Variants in ZNF875 observed in about 807,000 individuals in gnomAD.
The protein encoded by ZNF875 is HKR1, GLI-Kruppel zinc finger family member.
In ZNF875, 14 loss-of-function variants were observed where a neutral mutation model predicts 11.2. That is an observed-to-expected ratio of 1.26 (90% CI 0.83 to 1.96). ZNF875 has a LOEUF of 1.96. Ranked by LOEUF, ZNF875 falls within the 30% of genes most tolerant of loss-of-function variation. The pLI, the probability that ZNF875 is intolerant of heterozygous loss-of-function variation, is 0.00. For synonymous variants in ZNF875, 301 were observed against 281.1 expected, an observed-to-expected ratio of 1.07 and a Z score of -0.71; for missense variants, 752 against 760.4, an observed-to-expected ratio of 0.99 and a Z score of 0.13.
chr19:37,333,654 G>T (rs186838133), upstream of ZNF875, among the ~76,000 whole-genome samples: 88 of 152,170 alleles, frequency 5.8e-4, 1 homozygote, highest in East Asian at 0.012. Context: ...AGGAAGTCAG[G>T]AAAGGAAAAG....
intron 1 of ZNF875, among the ~76,000 whole-genome samples, chr19:37,321,894 T>A (rs2031544467): frequency 6.6e-6 from 1 of 152,184 alleles, no homozygotes; most frequent in African/African-American, 2.4e-5. Flanking sequence ...CAGAAAAAAT[T>A]AAAGCATCCT....
chr19:37,363,491 C>G lies in ZNF875; in HGVS notation c.1639C>G (p.Pro547Ala), dbSNP rs1332552750. Residue 547 changes from proline to alanine, a missense_variant, in exon 5 of 5, where the codon CCT becomes GCT. Pro to Ala is a conservative substitution (Grantham distance 27). Coordinates refer to ENST00000392153, the MANE Select transcript of ZNF875 (RefSeq NM_001353803.2). ...GTGTGGCAGAAGGTTTCGGCAGAAG[C>G]CTAACCTGTTTAGGCACAAGAGGGC... is the stretch of plus-strand genomic sequence containing the variant. Reference protein sequence around the residue: ...RECGRRFRQKPNLFRHKRAHS... With the variant: ...RECGRRFRQKANLFRHKRAHS... 6.2e-7 allele frequency: 1 copy of G among 1,612,956 alleles called. No homozygotes were observed. Among genetic ancestry groups the G allele is most frequent in the Non-Finnish European group, 8.5e-7 (1 of 1,179,588 alleles).
At chr19:37,335,279 A>C (rs1038319567) in intron 2 of ZNF875, 22 bp downstream of exon 2, 2 of 691,568 alleles carry the variant, frequency 2.9e-6, no homozygotes, top group Non-Finnish European at 5.3e-6. Context: ...CTGTAATTCT[A>C]TCTTGGCTGT....
At chr19:37,349,207 G>A (rs147902852) in intron 4 of ZNF875, among the ~76,000 whole-genome samples, 308 of 152,242 alleles carry the variant, frequency 2.0e-3, no homozygotes, top group Non-Finnish European at 3.1e-3. Flanking sequence ...CCACTCTAAT[G>A]ACCTCATCTT....
chr19:37,341,386 C>A (rs1473474466), intron 2 of ZNF875, among the ~76,000 whole-genome samples: 1 of 152,170 alleles, frequency 6.6e-6, no homozygotes, highest in African/African-American at 2.4e-5. Context: ...GGCTGGAGGA[C>A]TATCCATGTG....
At chr19:37,335,000 C>T (rs1186961481) in intron 1 of ZNF875, 169 bp from the exon 2 acceptor site, 1 of 541,350 alleles carries the variant, frequency 1.8e-6, no homozygotes, top group South Asian at 1.9e-5. Context: ...TGCGGCTGAG[C>T]TTGAGGGTGG....
At chr19:37,350,851 C>CTGGA (rs1276353904) in intron 4 of ZNF875, among the ~76,000 whole-genome samples, 1 of 135,464 alleles carries the variant, frequency 7.4e-6, no homozygotes, top group African/African-American at 2.8e-5. Context: ...GTCCCCCAGG[C>CTGGA]TGGAGTGCAG....
At chr19:37,325,458 A>C (rs1173980329) in intron 4 of ZNF875, among the ~76,000 whole-genome samples, 4 of 152,254 alleles carry the variant, frequency 2.6e-5, no homozygotes, top group Non-Finnish European at 5.9e-5. Flanking sequence ...AAACAGGTGA[A>C]ATTAATGTTT....
At chr19:37,316,875 C>G (rs2030237433), upstream of ZNF875, 1 of 147,608 alleles carries the variant, frequency 6.8e-6, no homozygotes, top group Non-Finnish European at 1.5e-5. Context: ...TGTTGGCGGC[C>G]GGACTGGTCT....
upstream of ZNF875, among the ~76,000 whole-genome samples, chr19:37,331,231 CTTTT>C (rs142005460): frequency 1.6e-5 from 1 of 63,840 alleles, no homozygotes; most frequent in Non-Finnish European, 2.6e-5. Flanking sequence ...TAACTCCTTG[CTTTT>C]TTTTTTTTTT....
intron 4 of ZNF875, among the ~76,000 whole-genome samples, chr19:37,327,155 G>C (rs545121847): frequency 6.6e-6 from 1 of 151,866 alleles, no homozygotes; most frequent in Admixed American, 6.6e-5. Context: ...ACCATGCCCA[G>C]CTAATTTTTG....
chr19:37,358,239 G>T (rs1197658197), intron 4 of ZNF875, among the ~76,000 whole-genome samples: 1 of 146,346 alleles, frequency 6.8e-6, no homozygotes, highest in Non-Finnish European at 1.5e-5. Flanking sequence ...CCGTCTCCCA[G>T]GTTCACACTA....
At chr19:37,321,368 C>G (rs1004904981) in intron 1 of ZNF875, among the ~76,000 whole-genome samples, 1 of 152,188 alleles carries the variant, frequency 6.6e-6, no homozygotes, top group Non-Finnish European at 1.5e-5. Context: ...ATGTGCACAT[C>G]AAAGCACAGC....
At chr19:37,361,913 TAA>T (rs11344990) in intron 4 of ZNF875, 194 bp from the exon 5 acceptor site, 62 of 461,220 alleles carry the variant, frequency 1.3e-4, no homozygotes, top group South Asian at 2.5e-4. Context: ...AGACTCCGTT[TAA>T]AAAAAAAAAC....
intron 1 of ZNF875, among the ~76,000 whole-genome samples, chr19:37,321,307 C>G (rs994945328): frequency 6.6e-6 from 1 of 152,208 alleles, no homozygotes; most frequent in African/African-American, 2.4e-5. Context: ...AATGGAATGT[C>G]TCTGTGTAAA....
intron 2 of ZNF875, among the ~76,000 whole-genome samples, chr19:37,338,157 C>T (rs1263971393): frequency 6.6e-6 from 1 of 152,208 alleles, no homozygotes; most frequent in Non-Finnish European, 1.5e-5. Flanking sequence ...GAGTCATGCT[C>T]TGTCACCCAG....
chr19:37,327,812 T>C (rs1294455642), intron 4 of ZNF875, among the ~76,000 whole-genome samples: 2 of 152,032 alleles, frequency 1.3e-5, no homozygotes, highest in Admixed American at 6.6e-5. Flanking sequence ...GAAAATTTAT[T>C]TTTACAAATT....
chr19:37,362,804 G>C lies in ZNF875; in HGVS notation c.952G>C (p.Gly318Arg). 1 of 1,613,392 alleles carries C rather than the reference G, an allele frequency of 6.2e-7. No homozygotes were observed. The highest frequency in any genetic ancestry group is 8.5e-7 in the Non-Finnish European group (1 of 1,179,844). ...KPYVCKDCGRGFTWKSNLFTH... is the reference protein window; with the variant it reads ...KPYVCKDCGRRFTWKSNLFTH... ...TTATGTGTGCAAGGATTGTGGACGA[G>C]GCTTTACTTGGAAGTCGAACCTCTT... The change falls in exon 5 of 5, where the codon GGC (glycine) becomes CGC (arginine). Residue 318 changes from glycine to arginine, a missense_variant. Physicochemically the swap from Gly to Arg is moderately radical, Grantham distance 125 (BLOSUM62 -2). Transcript: ENST00000392153.
rs1275406317 is a variant in ZNF875, at chr19:37,362,441, G to C, written c.589G>C (p.Asp197His). Reference sequence around the variant, plus strand: ...GTCCAAGGAAGACAACACAGTGGTGGATATAGGGTCCAGCCCTGAACGGAG... The same window carrying C: ...GTCCAAGGAAGACAACACAGTGGTGCATATAGGGTCCAGCCCTGAACGGAG... ...AQSKEDNTVV[D>H]IGSSPERRAD... Residue 197 changes from aspartate (D) to histidine (H), a missense_variant, in exon 5 of 5, where the codon GAT becomes CAT. By Grantham distance (81) the Asp-to-His change is moderately conservative (BLOSUM62 -1). Transcript: ENST00000392153. 2 of 1,614,180 alleles carry C rather than the reference G, an allele frequency of 1.2e-6. No homozygotes were observed. The highest frequency in any genetic ancestry group is 1.6e-4 in the Middle Eastern group (1 of 6,062).
Sources: gnomAD v4.1 joint callset for allele counts (sites outside exome capture counted in the v4.1 genomes callset) on GRCh38, gnomAD v4.1.1 for gene constraint, MANE v1.5 for transcripts, NCBI Gene and HGNC (gene_info 2026-07-23, HGNC 2026-07-21) for gene names.